BTNL3: variants seen among roughly 807,000 people sequenced by gnomAD.
The protein encoded by BTNL3 is butyrophilin-like protein 3.
BTNL3 carries 20 observed loss-of-function variants against 40.1 expected under a neutral mutation model. The ratio of observed to expected loss-of-function variants is 0.50; its 90% CI spans 0.35 to 0.72. The LOEUF is 0.72. Ranked by LOEUF, BTNL3 falls within the 30% of genes least tolerant of loss-of-function variation. The pLI is 0.01. For missense variants in BTNL3, 449 were observed against 582.2 expected (o/e 0.77, Z 2.35); for synonymous variants, 179 against 222.1 (o/e 0.81, Z 1.73).
intron 3 of BTNL3, among the ~76,000 whole-genome samples, chr5:180,999,994 A>C (rs1760084629): frequency 7.3e-6 from 1 of 136,554 alleles, no homozygotes; most frequent in African/African-American, 2.5e-5. Context: ...ATCTTTCAGA[A>C]AGTCGGCCAG....
rs1760142327 is a variant in BTNL3 at position 181,002,598 on chromosome 5, G to T, written c.674-74G>T. On this transcript the variant is annotated intron_variant, in intron 3 of 7. Transcript: ENST00000342868. ...AAATGTTTTCATCTTGGGGTACTGG[G>T]GGATTCCTTAAATGGGCGTAAAATT... 3 of 1,330,740 alleles carry T rather than the reference G, an allele frequency of 2.3e-6. No homozygotes were observed. The African/African-American group carries it at 4.4e-5, about 20-fold the overall frequency. The allele number at this position is 1,330,740 out of a possible 1,614,324, so 82.4% of individuals were successfully genotyped here. A position where few individuals can be genotyped will look rare whatever the true frequency, so the allele number is the denominator to read the frequency against.
chr5:181,005,023 C>T (rs923919938), intron 7 of BTNL3, among the ~76,000 whole-genome samples: 1 of 151,988 alleles, frequency 6.6e-6, no homozygotes, highest in African/African-American at 2.4e-5. Context: ...CAAAGGGGAA[C>T]TAAGTGAAGT....
intron 6 of BTNL3, 53 bp downstream of exon 6, chr5:181,004,496 G>A (rs1027778369): frequency 1.6e-5 from 13 of 795,118 alleles, no homozygotes; most frequent in South Asian, 7.3e-5. Context: ...CAAGTCTCTC[G>A]TTTATGGATT....
At chr5:180,997,809 TA>T in intron 3 of BTNL3, among the ~76,000 whole-genome samples, 1 of 137,512 alleles carries the variant, frequency 7.3e-6, no homozygotes, top group East Asian at 2.1e-4. Context: ...TCTTCATTTT[TA>T]GAAAACGTCG....
intron 1 of BTNL3, among the ~76,000 whole-genome samples, chr5:180,990,253 TC>T (rs1214122523): frequency 1.5e-5 from 2 of 137,856 alleles, no homozygotes; most frequent in East Asian, 4.3e-4. Context: ...GACAAGCCTT[TC>T]TGTCTGCTTT....
chr5:180,990,443 G>A lies in BTNL3; in HGVS notation c.49+1366G>A, dbSNP rs914881669. Among the ~76,000 whole-genome samples the A allele has an allele frequency of 2.9e-5, 4 of 137,868 alleles. 1 individual carries two copies. The highest frequency in any genetic ancestry group is 1.0e-4 in the African/African-American group (4 of 39,998). 90.4% of individuals were successfully genotyped at this position (137,868 alleles called of 152,430 possible). A position where few individuals can be genotyped will look rare whatever the true frequency, so the allele number is the denominator to read the frequency against. ...TCTGTGACATTCCTGTGGCTGAAGG[G>A]CTGCTGTGTGGATTGCGTGAACTCG... On this transcript the variant is annotated intron_variant, in intron 1 of 7. Coordinates refer to ENST00000342868, the MANE Select transcript of BTNL3 (RefSeq NM_197975.3).
chr5:181,006,341 C>A lies in BTNL3; in HGVS notation c.*469C>A, dbSNP rs749803893. On this transcript the variant is annotated 3_prime_UTR_variant, in exon 8 of 8. Coordinates refer to ENST00000342868, the MANE Select transcript of BTNL3 (RefSeq NM_197975.3). ...GTTTTTATATTATACATTTTCCCAC[C>A]ATAAACTCTGTTTGCTTATTCCACA... The A allele has an allele frequency of 7.1e-5, 17 of 238,218 alleles. No individual in the cohort carries two copies. Among genetic ancestry groups the A allele is most frequent in the Middle Eastern group, 1.3e-3 (1 of 784 alleles). The allele number at this position is 238,218 out of a possible 1,614,324, so 14.8% of individuals were successfully genotyped here.
chr5:180,998,443 G>A (rs1760062132), intron 3 of BTNL3, among the ~76,000 whole-genome samples: 1 of 136,866 alleles, frequency 7.3e-6, no homozygotes, highest in South Asian at 2.1e-4. Context: ...AAATGAGTAA[G>A]AATATATACT....
rs947996117 is a variant in BTNL3 at position 180,998,894 on chromosome 5, A to G, written c.673+1406A>G. On this transcript the variant is annotated intron_variant, in intron 3 of 7. Transcript: ENST00000342868. ...GTAATCCCAGCACTTTGGAAGGCCA[A>G]GACAGGCGGATCACCTGAGGTCAGG... Among the ~76,000 whole-genome samples the G allele has an allele frequency of 1.5e-5, 2 of 137,462 alleles. 1 individual carries two copies. The highest frequency in any genetic ancestry group is 3.3e-5 in the Non-Finnish European group (2 of 60,030). The allele number at this position is 137,462 out of a possible 152,430, so 90.2% of individuals were successfully genotyped here. A position where few individuals can be genotyped will look rare whatever the true frequency, so the allele number is the denominator to read the frequency against.
chr5:180,992,067 C>A, intron 1 of BTNL3, among the ~76,000 whole-genome samples: 1 of 136,524 alleles, frequency 7.3e-6, no homozygotes, highest in Non-Finnish European at 1.7e-5. Context: ...TATTCAAGCA[C>A]GAAATAATAA....
At chr5:181,005,039 G>A (rs1237937109) in intron 7 of BTNL3, among the ~76,000 whole-genome samples, 2 of 152,168 alleles carry the variant, frequency 1.3e-5, no homozygotes, top group Non-Finnish European at 2.9e-5. Context: ...GAAGTTAGCA[G>A]GAACTGGTGG....
At chr5:180,991,053 G>A (rs1045377525) in intron 1 of BTNL3, among the ~76,000 whole-genome samples, 1 of 136,920 alleles carries the variant, frequency 7.3e-6, no homozygotes, top group African/African-American at 2.5e-5. Context: ...CAGCAGAGAG[G>A]CAGAGGCCAG....
rs778473610 is a variant in BTNL3, at chr5:180,993,008, G to C, written c.245G>C (p.Arg82Pro). Residue 82 changes from arginine to proline, a missense_variant, in exon 2 of 8, where the codon CGA (arginine) becomes CCA (proline). Physicochemically the swap from Arg to Pro is moderately radical, Grantham distance 103. Coordinates refer to ENST00000342868, the MANE Select transcript of BTNL3 (RefSeq NM_197975.3). Reference sequence around the variant, plus strand: ...GAATCTAAGCAGATGCCACAGTATCGAGGGAGAACTGAGTTTGTGAAGGAC... The same window carrying C: ...GAATCTAAGCAGATGCCACAGTATCCAGGGAGAACTGAGTTTGTGAAGGAC... ...DWESKQMPQY[R>P]GRTEFVKDSI... is the part of the protein sequence containing the mutation. 1.0e-5 allele frequency: 15 copies of C among 1,460,492 alleles called. 2 individuals are homozygous for C. The African/African-American group carries it at 1.9e-4, about 19-fold the overall frequency. The allele number at this position is 1,460,492 out of a possible 1,614,324, so 90.5% of individuals were successfully genotyped here.
chr5:180,992,925 G>A lies in BTNL3; in HGVS notation c.162G>A (p.Arg54=). ...PETSAEAMEV[R]FFRNQFHAVV... ...CCAGTGCAGAGGCTATGGAAGTGCGGTTCTTCAGGAATCAGTTCCATGCTG... is the reference window on the plus strand; with the variant it reads ...CCAGTGCAGAGGCTATGGAAGTGCGATTCTTCAGGAATCAGTTCCATGCTG... The change falls in exon 2 of 8, where the codon CGG becomes CGA. Residue 54 remains arginine, a synonymous_variant. Transcript: ENST00000342868. The A allele has an allele frequency of 6.8e-7, 1 of 1,463,366 alleles. No homozygotes were observed. Among genetic ancestry groups the A allele is most frequent in the Non-Finnish European group, 9.4e-7 (1 of 1,058,958 alleles). The allele number at this position is 1,463,366 out of a possible 1,614,324, so 90.6% of individuals were successfully genotyped here. A position where few individuals can be genotyped will look rare whatever the true frequency, so the allele number is the denominator to read the frequency against.
At chr5:181,004,835 A>G (rs1397960870) in intron 7 of BTNL3, 73 bp downstream of exon 7, 18 of 1,613,658 alleles carry the variant, frequency 1.1e-5, no homozygotes, top group Admixed American at 1.7e-5. Flanking sequence ...GAGCCCATCC[A>G]GCTTGTAGAC....
intron 4 of BTNL3, 61 bp from the exon 5 acceptor site, chr5:181,003,795 C>T (rs995783812): frequency 6.6e-5 from 106 of 1,613,628 alleles, no homozygotes; most frequent in Non-Finnish European, 4.0e-5. Context: ...AAGGAGCCAG[C>T]GTCGTGTTTG....
chr5:181,005,910 G>A lies in BTNL3; in HGVS notation c.*38G>A. 3 of 1,538,676 alleles carry A rather than the reference G, an allele frequency of 1.9e-6. No individual in the cohort carries two copies. The highest frequency in any genetic ancestry group is 2.6e-6 in the Non-Finnish European group (3 of 1,144,882). ...CCTGCTTAAAGGGCCCCACACCACA[G>A]ACCCAGACACAGCCAAGGGAGAGTG... On this transcript the variant is annotated 3_prime_UTR_variant, in exon 8 of 8. Coordinates refer to ENST00000342868, the MANE Select transcript of BTNL3 (RefSeq NM_197975.3).
chr5:181,002,852 G>C, intron 4 of BTNL3, 67 bp downstream of exon 4: 1 of 1,405,260 alleles, frequency 7.1e-7, no homozygotes, highest in Non-Finnish European at 9.8e-7. Context: ...ATATCAGGCT[G>C]CCCTCACACA....
intron 1 of BTNL3, among the ~76,000 whole-genome samples, chr5:180,989,869 A>T (rs1759945860): frequency 7.3e-6 from 1 of 137,018 alleles, no homozygotes; most frequent in Non-Finnish European, 1.7e-5. Context: ...ATCAAAATCC[A>T]TGTGTGCTCA....
Sources: gnomAD v4.1 joint callset for allele counts (sites outside exome capture counted in the v4.1 genomes callset) on GRCh38, gnomAD v4.1.1 for gene constraint, MANE v1.5 for transcripts, NCBI Gene and HGNC (gene_info 2026-07-23, HGNC 2026-07-21) for gene names.